Variants in GAS2 observed in about 807,000 individuals in gnomAD.
GAS2 encodes the protein growth arrest specific 2, also known as growth arrest-specific protein 2.
A neutral mutation model predicts 37.5 loss-of-function variants in GAS2; 20 were observed. The observed-to-expected ratio is 0.53, with a 90% CI of 0.37 to 0.77. The LOEUF (loss-of-function observed/expected upper bound fraction) is 0.77, where lower values mean the gene tolerates loss of function less well. Among genes scored for constraint, GAS2 ranks in the 30% least tolerant of loss-of-function variants. The probability of loss-of-function intolerance (pLI) is 0.00; values close to 1 mark genes in which losing one functional copy is unlikely to be tolerated. For missense variants in GAS2, 336 were observed against 373.4 expected (o/e 0.90, Z 0.82); for synonymous variants, 144 against 132.2 (o/e 1.09, Z -0.61).
At chr11:22,656,903 CT>C (rs1186881100) in intron 1 of GAS2, among the ~76,000 whole-genome samples, 1 of 152,078 alleles carries the variant, frequency 6.6e-6, no homozygotes, top group African/African-American at 2.4e-5. Context: ...CACGTCATTT[CT>C]TTAGCTTTAA....
At chr11:22,704,622 T>TATATATATATATAC in intron 3 of GAS2, among the ~76,000 whole-genome samples, 1 of 143,648 alleles carries the variant, frequency 7.0e-6, no homozygotes, top group African/African-American at 2.6e-5. Context: ...TATATATATA[T>TATATATATATATAC]ATTTTGCTCA....
chr11:22,647,860 C>T (rs1379395953), intron 1 of GAS2, among the ~76,000 whole-genome samples: 3 of 152,018 alleles, frequency 2.0e-5, no homozygotes, highest in East Asian at 1.9e-4. Context: ...AAATTTTCTC[C>T]CATTTTGTGG....
intron 7 of GAS2, among the ~76,000 whole-genome samples, chr11:22,760,541 T>C (rs185530144): frequency 7.9e-5 from 12 of 152,326 alleles, no homozygotes; most frequent in Non-Finnish European, 1.6e-4. Context: ...GCATGTCTGA[T>C]CATGAAAGCA....
intron 3 of GAS2, among the ~76,000 whole-genome samples, chr11:22,693,786 T>C (rs541217091): frequency 1.2e-4 from 18 of 152,312 alleles, no homozygotes; most frequent in African/African-American, 4.1e-4. Context: ...CCTTTGGAGA[T>C]TGGAAGGAAG....
chr11:22,797,190 G>A (rs1180102694), intron 7 of GAS2, among the ~76,000 whole-genome samples: 3 of 152,142 alleles, frequency 2.0e-5, no homozygotes, highest in Admixed American at 6.6e-5. Context: ...GGCAGTTGGC[G>A]TTAAGTGCTC....
intron 3 of GAS2, among the ~76,000 whole-genome samples, chr11:22,687,233 G>A (rs963070093): frequency 7.2e-5 from 11 of 152,052 alleles, no homozygotes; most frequent in East Asian, 1.9e-4. Context: ...AAACTGAGGC[G>A]GCAGGTTCAA....
intron 7 of GAS2, among the ~76,000 whole-genome samples, chr11:22,759,970 A>G (rs75297363): frequency 0.012 from 1,772 of 152,184 alleles, 33 homozygotes; most frequent in African/African-American, 0.041. Flanking sequence ...TGACTTATCA[A>G]TTCCAATTTG....
At chr11:22,685,919 A>C in intron 3 of GAS2, 130 bp downstream of exon 3, 1 of 769,026 alleles carries the variant, frequency 1.3e-6, no homozygotes, top group Non-Finnish European at 1.9e-6. Flanking sequence ...CAAAGTACAG[A>C]GAGTTCTTTT....
intron 7 of GAS2, among the ~76,000 whole-genome samples, chr11:22,790,677 G>C (rs1302663942): frequency 1.3e-5 from 2 of 150,436 alleles, no homozygotes; most frequent in Non-Finnish European, 2.9e-5. Context: ...TGGCCAGGCT[G>C]GTCTCGAAGT....
At chr11:22,805,111 G>A (rs1440132144) in intron 7 of GAS2, among the ~76,000 whole-genome samples, 3 of 151,234 alleles carry the variant, frequency 2.0e-5, no homozygotes, top group Admixed American at 1.3e-4. Flanking sequence ...TTTTTAGATC[G>A]GTCACATACC....
At chr11:22,629,070 AT>A (rs1858708999) in intron 1 of GAS2, among the ~76,000 whole-genome samples, 1 of 151,946 alleles carries the variant, frequency 6.6e-6, no homozygotes, top group South Asian at 2.1e-4. Context: ...CCACTTTTCA[AT>A]TGATGGGCCC....
intron 1 of GAS2, among the ~76,000 whole-genome samples, chr11:22,630,370 C>G (rs1858727780): frequency 6.6e-6 from 1 of 152,046 alleles, no homozygotes; most frequent in African/African-American, 2.4e-5. Context: ...CTACAAATAC[C>G]ATTCAGGACA....
In GAS2 at chr11:22,674,935, C is replaced by T; in HGVS notation, c.66C>T (p.Ser22=). Residue 22 remains serine, a synonymous_variant, in exon 2 of 8, where the codon AGC becomes AGT. Coordinates refer to ENST00000454584, the MANE Select transcript of GAS2 (RefSeq NM_001143830.3). ...GCCTCTCTGATATGCATCAGTATAG[C>T]CAATGGCTAGCCAGCAGACATGAAG... ...GPGLSDMHQY[S]QWLASRHEAN... is the part of the protein sequence containing the mutation. The T allele has an allele frequency of 1.2e-6, 2 of 1,613,782 alleles. 1 individual carries two copies. The highest frequency in any genetic ancestry group is 2.2e-5 in the South Asian group (2 of 91,054).
At chr11:22,636,862 C>G (rs939445431) in intron 1 of GAS2, among the ~76,000 whole-genome samples, 1 of 145,038 alleles carries the variant, frequency 6.9e-6, no homozygotes, top group Non-Finnish European at 1.5e-5. Context: ...AAATATATAA[C>G]ATTATTTTAA....
chr11:22,798,574 A>G (rs1366378229), intron 7 of GAS2, among the ~76,000 whole-genome samples: 1 of 152,114 alleles, frequency 6.6e-6, no homozygotes, highest in Non-Finnish European at 1.5e-5. Flanking sequence ...ATAGTAAATA[A>G]GATAATAAAT....
chr11:22,642,918 C>T (rs1414917371), intron 1 of GAS2, among the ~76,000 whole-genome samples: 2 of 152,108 alleles, frequency 1.3e-5, no homozygotes, highest in African/African-American at 4.8e-5. Flanking sequence ...CCAACATCTG[C>T]GTAGCATTTT....
At chr11:22,759,814 T>G (rs1854273512) in intron 7 of GAS2, among the ~76,000 whole-genome samples, 1 of 152,168 alleles carries the variant, frequency 6.6e-6, no homozygotes, top group Admixed American at 6.5e-5. Flanking sequence ...GAGAGAATTT[T>G]CTCTTGTTCA....
chr11:22,684,566 AG>A (rs1318134315), intron 2 of GAS2, among the ~76,000 whole-genome samples: 1 of 152,228 alleles, frequency 6.6e-6, no homozygotes, highest in African/African-American at 2.4e-5. Context: ...AAACAAAAAA[AG>A]GAAGGGGCTT....
intron 5 of GAS2, among the ~76,000 whole-genome samples, chr11:22,744,898 C>T (rs76654555): frequency 0.014 from 2,097 of 151,820 alleles, 56 homozygotes; most frequent in African/African-American, 0.048. Context: ...AAATAAAACA[C>T]CTAGGAATAC....
Sources: gnomAD v4.1 joint callset for allele counts (sites outside exome capture counted in the v4.1 genomes callset) on GRCh38, gnomAD v4.1.1 for gene constraint, MANE v1.5 for transcripts, NCBI Gene and HGNC (gene_info 2026-07-23, HGNC 2026-07-21) for gene names.